ROBO2: variants seen among roughly 807,000 people sequenced by gnomAD.
ROBO2 encodes roundabout homolog 2.
Under a neutral mutation model 160.8 loss-of-function variants are expected in ROBO2, and 53 were observed. The observed-to-expected ratio is 0.33, with a 90% CI of 0.26 to 0.41. The LOEUF is 0.41. ROBO2 is among the 10% of genes least tolerant of loss of function. The pLI is 1.00. For synonymous variants in ROBO2, 664 were observed against 611.7 expected (o/e 1.09, Z -1.26); for missense variants, 1,577 against 1,722.4 (o/e 0.92, Z 1.49).
chr3:76,630,236 G>A (rs180893529), intron 2 of ROBO2, among the ~76,000 whole-genome samples: 64 of 152,238 alleles, frequency 4.2e-4, no homozygotes, highest in African/African-American at 1.5e-3. Context: ...TATCTACGTC[G>A]TTCATGTCTG....
intron 2 of ROBO2, among the ~76,000 whole-genome samples, chr3:76,335,846 G>A (rs2073854415): frequency 6.6e-6 from 1 of 152,280 alleles, no homozygotes; most frequent in East Asian, 1.9e-4. Context: ...AAAGTGTTGG[G>A]ATTACAGGTG....
chr3:76,397,009 T>G (rs995271491), intron 2 of ROBO2, among the ~76,000 whole-genome samples: 1 of 152,158 alleles, frequency 6.6e-6, no homozygotes, highest in African/African-American at 2.4e-5. Context: ...AGAGCCTTCA[T>G]CGCCAAGTCA....
At chr3:76,185,528 G>T (rs1421154333) in intron 2 of ROBO2, among the ~76,000 whole-genome samples, 1 of 151,914 alleles carries the variant, frequency 6.6e-6, no homozygotes, top group East Asian at 1.9e-4. Context: ...GAAGAGAGGA[G>T]AAAACCGTTG....
rs1428052803 is a variant in ROBO2 at position 76,041,532 on chromosome 3, CAT to C, written c.109+103933_109+103934del. On this transcript the variant is annotated intron_variant, in intron 2 of 26. Transcript: ENST00000487694. ...ATGCATTATTTTAGCTCTTAAGAAA[CAT>C]ATGTGTATTTTCCAACTAAATCTTA... 5.3e-5 allele frequency among the ~76,000 whole-genome samples: 8 copies of C among 152,138 alleles called. No individual in the cohort carries two copies. In the East Asian group the frequency reaches 1.5e-3, roughly 29 times the overall value.
chr3:76,822,143 A>T (rs2066176187), intron 2 of ROBO2, among the ~76,000 whole-genome samples: 1 of 152,008 alleles, frequency 6.6e-6, no homozygotes, highest in Admixed American at 6.6e-5. Flanking sequence ...AGAATTAAAA[A>T]CTCAAGATTA....
At chr3:77,528,110 T>C (rs1166823495) in intron 6 of ROBO2, among the ~76,000 whole-genome samples, 1 of 151,640 alleles carries the variant, frequency 6.6e-6, no homozygotes, top group Non-Finnish European at 1.5e-5. Context: ...ATTTGGAAGA[T>C]AAAATTTTTC....
chr3:76,738,677 T>G (rs1439317578), intron 2 of ROBO2, among the ~76,000 whole-genome samples: 6 of 152,120 alleles, frequency 3.9e-5, no homozygotes, highest in Admixed American at 6.5e-5. Flanking sequence ...CAGTTTAAAT[T>G]GGAGTGCTGG....
chr3:76,673,205 A>G (rs936479152), intron 2 of ROBO2, among the ~76,000 whole-genome samples: 1 of 151,546 alleles, frequency 6.6e-6, no homozygotes, highest in African/African-American at 2.4e-5. Context: ...AGATGATTAC[A>G]GTCCTCATCT....
At chr3:76,231,076 C>T (rs1038424144) in intron 2 of ROBO2, among the ~76,000 whole-genome samples, 4 of 152,162 alleles carry the variant, frequency 2.6e-5, no homozygotes, top group Non-Finnish European at 5.9e-5. Context: ...TTCAGACTTA[C>T]TGCTTTCAGA....
chr3:76,473,906 GATGT>G lies in ROBO2; in HGVS notation c.109+536305_109+536308del, dbSNP rs538789394. 5.3e-4 allele frequency among the ~76,000 whole-genome samples: 80 copies of G among 152,256 alleles called. 1 individual carries two copies. In the East Asian group the frequency reaches 0.012, roughly 22 times the overall value. On this transcript the variant is annotated intron_variant, in intron 2 of 26. Transcript: ENST00000487694. ...AAATGTCTAGCCTGTTTTTGGAGTA[GATGT>G]CTTCCTAAGAAGATTATTATTTTTC...
intron 2 of ROBO2, among the ~76,000 whole-genome samples, chr3:76,109,692 A>G (rs2070129738): frequency 6.6e-6 from 1 of 151,878 alleles, no homozygotes; most frequent in Non-Finnish European, 1.5e-5. Flanking sequence ...ATGGATTTAG[A>G]GGGTACATAC....
intron 2 of ROBO2, among the ~76,000 whole-genome samples, chr3:76,724,645 T>C (rs2093519167): frequency 6.6e-6 from 1 of 152,166 alleles, no homozygotes. Flanking sequence ...ACCAAATACA[T>C]CCTCTTGAAT....
intron 2 of ROBO2, among the ~76,000 whole-genome samples, chr3:76,768,644 GTAATA>G (rs1177814033): frequency 6.7e-6 from 1 of 150,368 alleles, no homozygotes; most frequent in Non-Finnish European, 1.5e-5. Flanking sequence ...TAATCAAAAT[GTAATA>G]TAATATATAA....
At chr3:77,361,137 T>C (rs2069923527) in intron 2 of ROBO2, among the ~76,000 whole-genome samples, 1 of 152,152 alleles carries the variant, frequency 6.6e-6, no homozygotes, top group African/African-American at 2.4e-5. Flanking sequence ...AAAATACCTT[T>C]TTAAAGTAAG....
intron 2 of ROBO2, among the ~76,000 whole-genome samples, chr3:76,405,428 A>G (rs757040709): frequency 5.3e-5 from 8 of 151,714 alleles, no homozygotes; most frequent in Non-Finnish European, 1.0e-4. Context: ...GCTGAAATGT[A>G]GTTTAGTTAA....
At chr3:77,395,044 G>A (rs1560714457) in intron 2 of ROBO2, among the ~76,000 whole-genome samples, 1 of 152,110 alleles carries the variant, frequency 6.6e-6, no homozygotes, top group African/African-American at 2.4e-5. Flanking sequence ...TTCCTTAGTA[G>A]TTTCTCTTGC....
intron 2 of ROBO2, among the ~76,000 whole-genome samples, chr3:76,469,762 G>T (rs961373242): frequency 1.3e-5 from 2 of 151,976 alleles, no homozygotes; most frequent in African/African-American, 4.8e-5. Context: ...CCTATGGCTT[G>T]ATCTGCTTCT....
chr3:76,821,278 CT>C (rs1461301137), intron 2 of ROBO2, among the ~76,000 whole-genome samples: 2 of 151,882 alleles, frequency 1.3e-5, no homozygotes, highest in Admixed American at 1.3e-4. Flanking sequence ...AAGCACATGC[CT>C]TTTATCATTT....
At chr3:77,175,647 T>C (rs1368693200) in intron 2 of ROBO2, among the ~76,000 whole-genome samples, 2 of 151,962 alleles carry the variant, frequency 1.3e-5, no homozygotes, top group Non-Finnish European at 2.9e-5. Context: ...GGAAAGGAGA[T>C]ACATTTGTGA....
Sources: gnomAD v4.1 joint callset for allele counts (sites outside exome capture counted in the v4.1 genomes callset) on GRCh38, gnomAD v4.1.1 for gene constraint, MANE v1.5 for transcripts, NCBI Gene and HGNC (gene_info 2026-07-23, HGNC 2026-07-21) for gene names.